Variants in FCHSD2 observed in about 807,000 individuals in gnomAD.
FCHSD2 encodes the protein F-BAR and double SH3 domains protein 2.
FCHSD2 carries 38 observed loss-of-function variants against 108.1 expected under a neutral mutation model. That is an observed-to-expected ratio of 0.35 (90% CI 0.27 to 0.46). The LOEUF (loss-of-function observed/expected upper bound fraction) is 0.46, where lower values mean the gene tolerates loss of function less well. Ranked by LOEUF, FCHSD2 falls within the 20% of genes least tolerant of loss-of-function variation. The pLI is 1.00. For synonymous variants in FCHSD2, 279 were observed against 314.7 expected, an observed-to-expected ratio of 0.89 and a Z score of 1.20; for missense variants, 751 against 897.8, an observed-to-expected ratio of 0.84 and a Z score of 2.09.
chr11:73,109,109 C>T (rs1048438978), intron 2 of FCHSD2, among the ~76,000 whole-genome samples: 26 of 152,096 alleles, frequency 1.7e-4, no homozygotes, highest in Admixed American at 7.9e-4. Flanking sequence ...GTTTTTATGC[C>T]AGTACCATGC....
intron 3 of FCHSD2, among the ~76,000 whole-genome samples, chr11:73,051,534 C>T (rs532279197): frequency 2.0e-5 from 3 of 151,914 alleles, no homozygotes; most frequent in Non-Finnish European, 4.4e-5. Flanking sequence ...CTGAATGAGG[C>T]AGAGGTAGTA....
At chr11:72,909,283 C>T (rs1014738222) in intron 9 of FCHSD2, among the ~76,000 whole-genome samples, 6 of 152,130 alleles carry the variant, frequency 3.9e-5, no homozygotes, top group Admixed American at 1.3e-4. Flanking sequence ...GTGATCTGCC[C>T]GCCTCGGCCT....
At chr11:73,119,302 CA>C (rs879738413) in intron 2 of FCHSD2, among the ~76,000 whole-genome samples, 7,212 of 103,664 alleles carry the variant, frequency 0.07, 406 homozygotes, top group African/African-American at 0.19. Flanking sequence ...GACTCTGCCT[CA>C]AAAAAAAAAA....
chr11:72,865,157 G>A (rs1481231920), intron 13 of FCHSD2, among the ~76,000 whole-genome samples: 4 of 152,138 alleles, frequency 2.6e-5, no homozygotes, highest in African/African-American at 7.2e-5. Flanking sequence ...TCCAGATGAC[G>A]AATGCTTTTG....
intron 4 of FCHSD2, among the ~76,000 whole-genome samples, chr11:73,008,600 T>C (rs561440629): frequency 6.6e-6 from 1 of 152,124 alleles, no homozygotes; most frequent in Non-Finnish European, 1.5e-5. Context: ...AAAGCAGAAA[T>C]GGCCAGAGGT....
intron 8 of FCHSD2, among the ~76,000 whole-genome samples, chr11:72,971,804 C>T (rs1445492161): frequency 2.0e-5 from 3 of 152,140 alleles, no homozygotes; most frequent in African/African-American, 2.4e-5. Context: ...GGACTTCTGA[C>T]CTACAGAACT....
At chr11:72,932,121 T>C (rs1211214778) in intron 8 of FCHSD2, among the ~76,000 whole-genome samples, 1 of 152,194 alleles carries the variant, frequency 6.6e-6, no homozygotes, top group Admixed American at 6.5e-5. Context: ...GATTTACTTT[T>C]CCCTCTGCCT....
At chr11:73,082,181 CA>C (rs1380022598) in intron 3 of FCHSD2, among the ~76,000 whole-genome samples, 1 of 151,444 alleles carries the variant, frequency 6.6e-6, no homozygotes, top group Non-Finnish European at 1.5e-5. Flanking sequence ...ACTAAAAATA[CA>C]AAAAATTAGC....
chr11:72,924,635 A>G (rs1856040852), intron 8 of FCHSD2, among the ~76,000 whole-genome samples: 1 of 150,866 alleles, frequency 6.6e-6, no homozygotes, highest in Admixed American at 6.6e-5. Flanking sequence ...AGAATCCTCA[A>G]TGGAAGTCTT....
chr11:73,066,187 A>G (rs1859288010), intron 3 of FCHSD2, among the ~76,000 whole-genome samples: 1 of 152,216 alleles, frequency 6.6e-6, no homozygotes, highest in Non-Finnish European at 1.5e-5. Context: ...CCTCAGAAAT[A>G]ACACCACACA....
chr11:72,981,988 T>C (rs572105193), intron 8 of FCHSD2, among the ~76,000 whole-genome samples: 32 of 152,142 alleles, frequency 2.1e-4, no homozygotes, highest in Non-Finnish European at 4.1e-4. Flanking sequence ...TCTCAAAAAC[T>C]ATATATACTA....
intron 8 of FCHSD2, among the ~76,000 whole-genome samples, chr11:72,969,459 C>T (rs1856970307): frequency 6.6e-6 from 1 of 152,126 alleles, no homozygotes; most frequent in South Asian, 2.1e-4. Context: ...GGGACAGAGA[C>T]AAAAAGATGA....
At chr11:72,914,617 A>T (rs562601174) in intron 9 of FCHSD2, among the ~76,000 whole-genome samples, 7 of 152,308 alleles carry the variant, frequency 4.6e-5, no homozygotes, top group African/African-American at 1.7e-4. Context: ...AACAAACCTG[A>T]CAAAAAGCAA....
chr11:73,084,889 T>G (rs1218341893), intron 2 of FCHSD2, among the ~76,000 whole-genome samples: 1 of 151,528 alleles, frequency 6.6e-6, no homozygotes, highest in East Asian at 1.9e-4. Flanking sequence ...TTTACCGTTA[T>G]GTGCCAGGAA....
chr11:73,009,327 T>C (rs897282712), intron 4 of FCHSD2, among the ~76,000 whole-genome samples: 57 of 151,960 alleles, frequency 3.8e-4, no homozygotes, highest in African/African-American at 1.3e-3. Flanking sequence ...TGAAACTCCA[T>C]CTCTACTAAA....
At chr11:73,133,774 C>T (rs1169174767) in intron 2 of FCHSD2, among the ~76,000 whole-genome samples, 1 of 115,724 alleles carries the variant, frequency 8.6e-6, no homozygotes, top group African/African-American at 3.5e-5. Flanking sequence ...GTATGGGTGA[C>T]ACAGAGAAAC....
intron 3 of FCHSD2, among the ~76,000 whole-genome samples, chr11:73,060,893 C>T (rs530360358): frequency 1.3e-5 from 2 of 152,234 alleles, no homozygotes; most frequent in Admixed American, 1.3e-4. Flanking sequence ...TGAAACCAGG[C>T]ACTATAGTGA....
chr11:73,029,105 G>A (rs1032517032), intron 3 of FCHSD2, among the ~76,000 whole-genome samples: 5 of 152,178 alleles, frequency 3.3e-5, no homozygotes, highest in Non-Finnish European at 5.9e-5. Flanking sequence ...ATATAATGGT[G>A]TAGTACACTA....
intron 10 of FCHSD2, chr11:72,900,236 C>A: frequency 1.4e-5 from 21 of 1,451,678 alleles, no homozygotes; most frequent in South Asian, 2.4e-5. Flanking sequence ...CCCTCCCGCC[C>A]TTGACCCACA....
Sources: allele counts gnomAD v4.1 joint callset (sites outside exome capture counted in the v4.1 genomes callset), GRCh38; gene constraint gnomAD v4.1.1; transcripts MANE v1.5; gene names NCBI Gene and HGNC (gene_info 2026-07-23, HGNC 2026-07-21).